Variants in FRAS1 observed in about 807,000 individuals in gnomAD.
The protein encoded by FRAS1 is extracellular matrix organizing protein FRAS1.
Under a neutral mutation model 435.2 loss-of-function variants are expected in FRAS1, and 290 were observed. That is an observed-to-expected ratio of 0.67 (90% CI 0.61 to 0.73). The LOEUF (loss-of-function observed/expected upper bound fraction) is 0.73. Ranked by LOEUF, FRAS1 falls within the 30% of genes least tolerant of loss-of-function variation. The pLI, the probability that FRAS1 is intolerant of heterozygous loss-of-function variation, is 0.00. For synonymous variants in FRAS1, 1,800 were observed against 1,851.0 expected (o/e 0.97, Z 0.71); for missense variants, 4,860 against 5,001.5 (o/e 0.97, Z 0.85).
chr4:78,260,689 C>G (rs938885530), intron 6 of FRAS1, among the ~76,000 whole-genome samples: 2 of 152,116 alleles, frequency 1.3e-5, no homozygotes, highest in Non-Finnish European at 2.9e-5. Context: ...ACTGAATACC[C>G]TTTATTTCCT....
chr4:78,193,323 G>C (rs569023366), intron 2 of FRAS1, among the ~76,000 whole-genome samples: 15 of 152,242 alleles, frequency 9.9e-5, no homozygotes, highest in Non-Finnish European at 1.6e-4. Flanking sequence ...TCCTGGATAT[G>C]CTTGTTAACT....
chr4:78,181,154 T>C (rs1721983541), intron 2 of FRAS1: 1 of 1,589,802 alleles, frequency 6.3e-7, no homozygotes, highest in East Asian at 2.2e-5. Context: ...ATCAGCACCT[T>C]CATTTGGTTT....
intron 37 of FRAS1, 43 bp from the exon 38 acceptor site, chr4:78,432,314 T>C (rs1240283059): frequency 6.5e-7 from 1 of 1,538,802 alleles, no homozygotes. Flanking sequence ...AAAAGCATTA[T>C]TCCCAGAAGC....
chr4:78,513,822 G>A (rs2109886784), intron 65 of FRAS1, among the ~76,000 whole-genome samples: 1 of 152,326 alleles, frequency 6.6e-6, no homozygotes, highest in East Asian at 1.9e-4. Context: ...TGTCTATAAA[G>A]TGGGAATAAC....
chr4:78,433,764 T>C (rs954350169), intron 38 of FRAS1, among the ~76,000 whole-genome samples: 1 of 152,238 alleles, frequency 6.6e-6, no homozygotes, highest in African/African-American at 2.4e-5. Flanking sequence ...TAAAAATGTA[T>C]GAATTCAGAT....
At chr4:78,303,897 A>C (rs1023769874) in intron 14 of FRAS1, among the ~76,000 whole-genome samples, 2 of 150,404 alleles carry the variant, frequency 1.3e-5, no homozygotes, top group African/African-American at 2.4e-5. Context: ...ACTATGTTGA[A>C]TAGGAGTGGT....
chr4:78,220,776 A>C (rs1724018060), intron 2 of FRAS1, among the ~76,000 whole-genome samples: 1 of 152,222 alleles, frequency 6.6e-6, no homozygotes, highest in Non-Finnish European at 1.5e-5. Flanking sequence ...TTAGCAGCTC[A>C]TCTCAAGAAT....
intron 2 of FRAS1, among the ~76,000 whole-genome samples, chr4:78,111,747 T>A (rs1405646370): frequency 8.5e-5 from 8 of 94,110 alleles, no homozygotes; most frequent in South Asian, 3.5e-4. Context: ...AAACTTAGAG[T>A]ATAATAAAAA....
At chr4:78,432,666 G>T in intron 38 of FRAS1, 62 bp downstream of exon 38, 1 of 1,491,492 alleles carries the variant, frequency 6.7e-7, no homozygotes, top group Admixed American at 2.3e-5. Flanking sequence ...GGGCAGACTG[G>T]GCAGCAATGC....
rs983748506 is a variant in FRAS1 at position 78,533,221 on chromosome 4, A to G, written c.10926-1228A>G. On this transcript the variant is annotated intron_variant, in intron 70 of 73. Coordinates refer to ENST00000512123, the MANE Select transcript of FRAS1 (RefSeq NM_025074.7). Reference sequence around the variant, plus strand: ...TTATTTTTTATTTATTTTGCTTACTATTTCCTTAGAACGTAACTTCCCTGA... The same window carrying G: ...TTATTTTTTATTTATTTTGCTTACTGTTTCCTTAGAACGTAACTTCCCTGA... Among the ~76,000 whole-genome samples, 4 of 152,230 alleles carry G rather than the reference A, an allele frequency of 2.6e-5. No homozygotes were observed. In the East Asian group the frequency reaches 7.7e-4, roughly 29 times the overall value.
chr4:78,315,444 ATGT>A, intron 15 of FRAS1, 147 bp from the exon 16 acceptor site: 4 of 763,040 alleles, frequency 5.2e-6, no homozygotes, highest in Non-Finnish European at 8.3e-6. Flanking sequence ...GTCCGATGAA[ATGT>A]TGGAATCAAG....
chr4:78,179,522 G>A (rs1721912722), intron 2 of FRAS1, among the ~76,000 whole-genome samples: 1 of 152,176 alleles, frequency 6.6e-6, no homozygotes, highest in Admixed American at 6.5e-5. Context: ...GCTTTGAAAA[G>A]CCATTCCTTC....
At chr4:78,514,138 G>A (rs1721131507) in intron 65 of FRAS1, among the ~76,000 whole-genome samples, 1 of 152,240 alleles carries the variant, frequency 6.6e-6, no homozygotes, top group Non-Finnish European at 1.5e-5. Context: ...CTCGGCCATG[G>A]CAGGGAGCTC....
At chr4:78,479,837 C>A in intron 56 of FRAS1, 119 bp downstream of exon 56, 1 of 741,400 alleles carries the variant, frequency 1.3e-6, no homozygotes, top group Non-Finnish European at 2.1e-6. Context: ...TCAGGGATAC[C>A]ACTGTTGGTC....
At chr4:78,362,084 AAAT>A (rs1298943107) in intron 20 of FRAS1, among the ~76,000 whole-genome samples, 2 of 152,196 alleles carry the variant, frequency 1.3e-5, no homozygotes, top group African/African-American at 4.8e-5. Context: ...TGTCTGGACA[AAAT>A]AATTTGTTTT....
At chr4:78,134,017 T>C (rs576201890) in intron 2 of FRAS1, among the ~76,000 whole-genome samples, 29 of 150,242 alleles carry the variant, frequency 1.9e-4, no homozygotes, top group Middle Eastern at 6.8e-3. Context: ...TGGTGTGCAG[T>C]GGCCTGATCT....
chr4:78,153,594 CTG>C lies in FRAS1; in HGVS notation c.109-83914_109-83913del, dbSNP rs1720764694. On this transcript the variant is annotated intron_variant, in intron 2 of 73. Coordinates refer to ENST00000512123, the MANE Select transcript of FRAS1 (RefSeq NM_025074.7). ...TTTAGCACTTGAGGAGTGTTAAAGA[CTG>C]TCTGTATATTTCATAAGGCTGTCCT... 2.6e-5 allele frequency among the ~76,000 whole-genome samples: 4 copies of C among 152,206 alleles called. No homozygotes were observed. In the South Asian group the frequency reaches 8.3e-4, roughly 32 times the overall value.
chr4:78,425,400 A>C (rs1733960766), intron 35 of FRAS1, among the ~76,000 whole-genome samples: 1 of 152,162 alleles, frequency 6.6e-6, no homozygotes, highest in African/African-American at 2.4e-5. Context: ...CCACCATAGG[A>C]TAAGCTTCTT....
intron 50 of FRAS1, among the ~76,000 whole-genome samples, chr4:78,468,693 C>T (rs561133185): frequency 7.9e-5 from 12 of 152,310 alleles, no homozygotes; most frequent in East Asian, 1.9e-4. Flanking sequence ...TGTTTGTTAG[C>T]CAGCTCTCCT....
Sources: gnomAD v4.1 joint callset for allele counts (sites outside exome capture counted in the v4.1 genomes callset) on GRCh38, gnomAD v4.1.1 for gene constraint, MANE v1.5 for transcripts, NCBI Gene and HGNC (gene_info 2026-07-23, HGNC 2026-07-21) for gene names.